C10orf90: variants seen among roughly 807,000 people sequenced by gnomAD.
C10orf90 encodes (E2-independent) E3 ubiquitin-conjugating enzyme FATS.
In C10orf90, 56 loss-of-function variants were observed where a neutral mutation model predicts 62.5. The observed-to-expected ratio is 0.90, with a 90% CI of 0.72 to 1.12. The LOEUF (loss-of-function observed/expected upper bound fraction) is 1.12. Among genes scored for constraint, C10orf90 ranks in the 50% most tolerant of loss-of-function variants. The probability of loss-of-function intolerance (pLI) is 0.00; values close to 1 mark genes in which losing one functional copy is unlikely to be tolerated. For synonymous variants in C10orf90, 386 were observed against 340.4 expected (o/e 1.13, Z -1.47); for missense variants, 970 against 880.4 (o/e 1.10, Z -1.29).
At chr10:126,571,591 AC>A (rs1844507841) in intron 2 of C10orf90, among the ~76,000 whole-genome samples, 1 of 152,194 alleles carries the variant, frequency 6.6e-6, no homozygotes, top group Non-Finnish European at 1.5e-5. Flanking sequence ...CATTCAAAGG[AC>A]GCAAATGAGG....
At chr10:126,564,866 T>TTTA (rs1844274154) in intron 2 of C10orf90, among the ~76,000 whole-genome samples, 2 of 3,432 alleles carry the variant, frequency 5.8e-4, no homozygotes, top group Admixed American at 0.011. Context: ...AAAATATATA[T>TTTA]TATATATAAT....
At position 126,504,890 on chromosome 10, in the gene C10orf90, G is replaced by T. The variant is rs1279470944; in HGVS notation, c.601C>A (p.Pro201Thr). The T allele has an allele frequency of 1.2e-6, 2 of 1,614,034 alleles. No homozygotes were observed. Among genetic ancestry groups the T allele is most frequent in the Non-Finnish European group, 1.7e-6 (2 of 1,180,026 alleles). ...GGTGCCGGGATTCCTAATCTGCCCG[G>T]AAGTAACGCAAATGCTCTGTGAATG... is the stretch of plus-strand genomic sequence containing the variant. ...VNIHRAFALLPGRLGIPAPSD... is the reference protein window; with the variant it reads ...VNIHRAFALLTGRLGIPAPSD... The change falls in exon 4 of 10, where the codon CCG (proline) becomes ACG (threonine). Residue 201 changes from proline (P) to threonine (T), a missense_variant. Pro to Thr is a conservative substitution (Grantham distance 38). Transcript: ENST00000488181. This position sits in a 1 kb window ranked among gnomAD's most constrained non-coding sequence, Gnocchi z 4.1.
intron 1 of C10orf90, among the ~76,000 whole-genome samples, chr10:126,663,942 G>T (rs887710921): frequency 6.6e-6 from 1 of 152,250 alleles, no homozygotes; most frequent in Non-Finnish European, 1.5e-5. Flanking sequence ...CTTGCCCCTA[G>T]GGAGGTCCAT....
At chr10:126,638,447 G>A (rs868468514) in intron 2 of C10orf90, among the ~76,000 whole-genome samples, 6 of 152,072 alleles carry the variant, frequency 3.9e-5, no homozygotes, top group South Asian at 2.1e-4. Flanking sequence ...CATGCCCCTA[G>A]GAGCCAAGTC....
chr10:126,521,545 A>T (rs1380065524), intron 2 of C10orf90: 1 of 1,097,448 alleles, frequency 9.1e-7, no homozygotes, highest in Non-Finnish European at 1.2e-6. Flanking sequence ...GTGGCATACA[A>T]GCCCACCTTG....
At chr10:126,604,426 A>C (rs1347580378) in intron 2 of C10orf90, among the ~76,000 whole-genome samples, 1 of 152,242 alleles carries the variant, frequency 6.6e-6, no homozygotes, top group African/African-American at 2.4e-5. Context: ...AAGAAAAAAA[A>C]TACACCATAT....
chr10:126,497,559 G>A (rs1399143904), intron 4 of C10orf90, among the ~76,000 whole-genome samples: 1 of 152,178 alleles, frequency 6.6e-6, no homozygotes, highest in Non-Finnish European at 1.5e-5. Flanking sequence ...AACAAGGAGA[G>A]CAGAATTCAC....
intron 4 of C10orf90, among the ~76,000 whole-genome samples, chr10:126,466,393 A>C (rs558183770): frequency 6.6e-6 from 1 of 151,238 alleles, no homozygotes; most frequent in East Asian, 1.9e-4. Flanking sequence ...CACACACACA[A>C]AAGAATATTC....
chr10:126,490,020 TA>T (rs1861652172), intron 4 of C10orf90, among the ~76,000 whole-genome samples: 1 of 57,480 alleles, frequency 1.7e-5, no homozygotes, highest in South Asian at 7.7e-4. Flanking sequence ...ATATTATATA[TA>T]ATATATAATA....
At chr10:126,517,024 A>AACTG (rs1403415333) in intron 2 of C10orf90, among the ~76,000 whole-genome samples, 7 of 152,242 alleles carry the variant, frequency 4.6e-5, no homozygotes, top group Admixed American at 4.6e-4. Context: ...CAAGGTTATT[A>AACTG]ACTATATCTC....
chr10:126,464,457 G>A (rs1472692214), intron 5 of C10orf90, among the ~76,000 whole-genome samples: 1 of 152,136 alleles, frequency 6.6e-6, no homozygotes, highest in East Asian at 1.9e-4. Flanking sequence ...CAGCCTCAAG[G>A]GAGTACTGGC....
chr10:126,540,258 G>C (rs1864342881), intron 2 of C10orf90, among the ~76,000 whole-genome samples: 1 of 152,152 alleles, frequency 6.6e-6, no homozygotes, highest in Admixed American at 6.5e-5. Flanking sequence ...AGATGAAAAA[G>C]TAAAAACTGT....
At chr10:126,641,798 T>C (rs980771950) in intron 2 of C10orf90, among the ~76,000 whole-genome samples, 3 of 152,196 alleles carry the variant, frequency 2.0e-5, no homozygotes, top group African/African-American at 7.2e-5. Context: ...TGTTTTCTCC[T>C]TTCGTGTTCA....
chr10:126,653,561 T>C (rs1846332965), intron 1 of C10orf90, among the ~76,000 whole-genome samples: 1 of 152,226 alleles, frequency 6.6e-6, no homozygotes, highest in South Asian at 2.1e-4. Context: ...TCTTGCTATT[T>C]CTACAACATC....
chr10:126,464,739 C>T lies in C10orf90; in HGVS notation c.1782G>A (p.Leu594=). The change falls in exon 5 of 10, where the codon CTG becomes CTA. Residue 594 remains leucine, a synonymous_variant. Transcript: ENST00000488181. The part of the protein sequence containing the change: ...LCPLQDVCAS[L]QEDNGVQIES... ...CTATCTGAACACCATTGTCTTCCTG[C>T]AGAGATGCACATACATCTTGTAAGG... 6.2e-7 allele frequency: 1 copy of T among 1,614,024 alleles called. No homozygotes were observed. Among genetic ancestry groups the T allele is most frequent in the Non-Finnish European group, 8.5e-7 (1 of 1,179,944 alleles).
chr10:126,455,469 C>T (rs2134085672), intron 7 of C10orf90, among the ~76,000 whole-genome samples: 1 of 152,322 alleles, frequency 6.6e-6, no homozygotes, highest in Non-Finnish European at 1.5e-5. Flanking sequence ...TGCCTCTTCA[C>T]CCGCCTGCTT....
chr10:126,435,010 A>G (rs1564789464), intron 7 of C10orf90, among the ~76,000 whole-genome samples: 2 of 152,184 alleles, frequency 1.3e-5, no homozygotes, highest in Admixed American at 6.5e-5. Flanking sequence ...ATAAAATCTT[A>G]TGCTGGACTC....
At chr10:126,485,527 C>T (rs1861382662) in intron 4 of C10orf90, among the ~76,000 whole-genome samples, 1 of 152,066 alleles carries the variant, frequency 6.6e-6, no homozygotes, top group Admixed American at 6.5e-5. Flanking sequence ...AAAGTCCTAA[C>T]TTTTTTATGG....
chr10:126,515,806 G>T (rs963139715), intron 2 of C10orf90, among the ~76,000 whole-genome samples: 1 of 152,212 alleles, frequency 6.6e-6, no homozygotes, highest in Admixed American at 6.5e-5. Context: ...CCAGAGCCTG[G>T]CTATGTCTCA....
Sources: allele counts gnomAD v4.1 joint callset (sites outside exome capture counted in the v4.1 genomes callset), GRCh38; gene constraint gnomAD v4.1.1; non-coding constraint Gnocchi (gnomAD v3.1); transcripts MANE v1.5; gene names NCBI Gene and HGNC (gene_info 2026-07-23, HGNC 2026-07-21).